LONP2: variants seen among roughly 807,000 people sequenced by gnomAD.
The protein encoded by LONP2 is lon protease homolog 2, peroxisomal.
A neutral mutation model predicts 85.6 loss-of-function variants in LONP2; 60 were observed. The ratio of observed to expected loss-of-function variants is 0.70; its 90% CI spans 0.57 to 0.87. LONP2 has a LOEUF of 0.87. Among genes scored for constraint, LONP2 ranks in the 40% least tolerant of loss-of-function variants. The pLI, the probability that LONP2 is intolerant of heterozygous loss-of-function variation, is 0.00. For synonymous variants in LONP2, 395 were observed against 389.7 expected (o/e 1.01, Z -0.16); for missense variants, 860 against 1,063.5 (o/e 0.81, Z 2.66).
rs1435752850 is a variant in LONP2, at chr16:48,256,711, T to C, written c.570T>C (p.Ile190=). 6.2e-7 allele frequency: 1 copy of C among 1,614,002 alleles called. No homozygotes were observed. Among genetic ancestry groups the C allele is most frequent in the South Asian group, 1.1e-5 (1 of 91,084 alleles). ...CTTTACCAGACATCTTGACATCAAT[T>C]ATCCGAACAAGCAACAAAGAGAAAC... ...REALPDILTS[I]IRTSNKEKLQ... The change falls in exon 3 of 15, where the codon ATT becomes ATC. Residue 190 remains isoleucine, a synonymous_variant. Coordinates refer to ENST00000285737, the MANE Select transcript of LONP2 (RefSeq NM_031490.5).
Position 48,348,179 on chromosome 16 carries a change from A to G in LONP2, c.2226A>G (p.Pro742=), listed in dbSNP as rs1597004865. 1.2e-6 allele frequency: 2 copies of G among 1,613,396 alleles called. No individual in the cohort carries two copies. The highest frequency in any genetic ancestry group is 2.2e-5 in the East Asian group (1 of 44,846). ...FPAGAVTKDG[P]SAGVTIVTCL... is the part of the protein sequence containing the mutation. ...CTGGAGCTGTCACAAAAGATGGACC[A>G]TCTGCTGGAGTTACCATAGTAACCT... The change falls in exon 14 of 15, where the codon CCA becomes CCG. Residue 742 remains proline, a synonymous_variant. Transcript: ENST00000285737.
rs1567361737 is a variant in LONP2 at position 48,357,287 on chromosome 16, A to ATGCTTGATAAGGAATTTTGTTTGGATGG, written c.*5489_*5516dup. 6.6e-6 allele frequency: 1 copy of ATGCTTGATAAGGAATTTTGTTTGGATGG among 152,218 alleles called. No individual in the cohort carries two copies. The highest frequency in any genetic ancestry group is 1.5e-5 in the Non-Finnish European group (1 of 68,040). 9.4% of individuals were successfully genotyped at this position (152,218 alleles called of 1,614,324 possible). A position where few individuals can be genotyped will look rare whatever the true frequency, so the allele number is the denominator to read the frequency against. ...ACTGTTTGCCACCAAATCTTAGTAG[A>ATGCTTGATAAGGAATTTTGTTTGGATGG]TGCTTGATAAGGAATTTTGTTTGGA... is the stretch of plus-strand genomic sequence containing the variant. On this transcript the variant is annotated 3_prime_UTR_variant, in exon 15 of 15. Transcript: ENST00000285737.
intron 12 of LONP2, among the ~76,000 whole-genome samples, chr16:48,338,894 C>A (rs1416678713): frequency 2.0e-5 from 3 of 152,012 alleles, no homozygotes; most frequent in African/African-American, 7.2e-5. Flanking sequence ...GGTGACAGAA[C>A]AAGACCCTGT....
At chr16:48,333,256 GTA>G (rs1322151760) in intron 11 of LONP2, among the ~76,000 whole-genome samples, 1 of 152,154 alleles carries the variant, frequency 6.6e-6, no homozygotes, top group Non-Finnish European at 1.5e-5. Context: ...CCTGCTCCTT[GTA>G]TGTCTAGGTC....
chr16:48,277,581 A>T (rs1362420718), intron 8 of LONP2, 102 bp downstream of exon 8: 1 of 1,173,834 alleles, frequency 8.5e-7, no homozygotes, highest in Non-Finnish European at 1.2e-6. Flanking sequence ...AGCTTTAGTT[A>T]TGGGAAAAAC....
At chr16:48,303,383 A>T (rs1392931823) in intron 11 of LONP2, 78 bp downstream of exon 11, 2 of 1,568,026 alleles carry the variant, frequency 1.3e-6, no homozygotes, top group Non-Finnish European at 1.8e-6. Flanking sequence ...ATGGAGGGGA[A>T]GGTGTTGGGT....
At chr16:48,275,419 C>T (rs1363489713) in intron 7 of LONP2, among the ~76,000 whole-genome samples, 1 of 152,032 alleles carries the variant, frequency 6.6e-6, no homozygotes, top group Non-Finnish European at 1.5e-5. Context: ...TGGTAAGACC[C>T]CGTCTCTGTC....
chr16:48,250,285 A>T (rs1035764169), intron 1 of LONP2, among the ~76,000 whole-genome samples: 4 of 151,308 alleles, frequency 2.6e-5, no homozygotes, highest in African/African-American at 9.7e-5. Context: ...GATCGAGATC[A>T]TCCTGGCCAA....
At chr16:48,321,252 C>G (rs1038836407) in intron 11 of LONP2, among the ~76,000 whole-genome samples, 1 of 152,084 alleles carries the variant, frequency 6.6e-6, no homozygotes, top group Non-Finnish European at 1.5e-5. Flanking sequence ...AGTATTAAAG[C>G]AATACTTAAT....
downstream of LONP2, chr16:48,362,228 T>C: frequency 6.2e-7 from 1 of 1,614,212 alleles, no homozygotes; most frequent in Non-Finnish European, 8.5e-7. This position sits in a 1 kb window ranked among gnomAD's most constrained non-coding sequence, Gnocchi z 4.2. Context: ...ATGTGAGCTT[T>C]GGGCGACAGT....
intron 14 of LONP2, among the ~76,000 whole-genome samples, chr16:48,348,706 CTTGTCTCAAACTCCAGGT>C (rs1354122527): frequency 3.3e-5 from 5 of 152,038 alleles, no homozygotes; most frequent in Non-Finnish European, 5.9e-5. Context: ...GTTGTCCAGG[CTTGTCTCAAACTCCAGGT>C]CTCATGCAGT....
intron 8 of LONP2, among the ~76,000 whole-genome samples, chr16:48,278,275 A>C (rs868214864): frequency 2.0e-5 from 3 of 151,970 alleles, no homozygotes; most frequent in Admixed American, 6.6e-5. Context: ...TGTTCTATCC[A>C]TTTTATCTTC....
chr16:48,295,998 T>G lies in LONP2; in HGVS notation c.1384-17T>G, dbSNP rs1198328218. ...GGCACTACTAAAGTTTTTAAAATGT[T>G]TTTTGTTCTCCCCTAGGTGTTGGAT... is the stretch of plus-strand genomic sequence containing the variant. On this transcript the variant is annotated splice_polypyrimidine_tract_variant and intron_variant, in intron 8 of 14. Coordinates refer to ENST00000285737, the MANE Select transcript of LONP2 (RefSeq NM_031490.5). 6.2e-7 allele frequency: 1 copy of G among 1,605,814 alleles called. No individual in the cohort carries two copies. Among genetic ancestry groups the G allele is most frequent in the African/African-American group, 1.4e-5 (1 of 70,612 alleles).
At chr16:48,321,252 C>T (rs1038836407) in intron 11 of LONP2, among the ~76,000 whole-genome samples, 1 of 152,084 alleles carries the variant, frequency 6.6e-6, no homozygotes, top group Non-Finnish European at 1.5e-5. Flanking sequence ...AGTATTAAAG[C>T]AATACTTAAT....
chr16:48,251,160 C>T (rs57045758), intron 1 of LONP2, among the ~76,000 whole-genome samples: 1,865 of 152,284 alleles, frequency 0.012, 38 homozygotes, highest in African/African-American at 0.042. Flanking sequence ...TACTGTATTA[C>T]ATGATTTATT....
At position 48,356,650 on chromosome 16, in the gene LONP2, C is replaced by A; in HGVS notation, c.*4848C>A. On this transcript the variant is annotated 3_prime_UTR_variant, in exon 15 of 15. Transcript: ENST00000285737. ...CACAATGAAAACTGCACTTAAAAAA[C>A]AAAAATGCTGAAAGAGGAAGGAAAT... The A allele has an allele frequency of 2.8e-6, 1 of 351,662 alleles. No homozygotes were observed. The highest frequency in any genetic ancestry group is 5.7e-6 in the Non-Finnish European group (1 of 174,844). The allele number at this position is 351,662 out of a possible 1,614,324, so 21.8% of individuals were successfully genotyped here.
At chr16:48,298,445 A>C (rs1241486212) in intron 9 of LONP2, among the ~76,000 whole-genome samples, 1 of 152,100 alleles carries the variant, frequency 6.6e-6, no homozygotes, top group Non-Finnish European at 1.5e-5. Context: ...ACATATGCAC[A>C]CATATATAAA....
In LONP2 at chr16:48,352,834, T is replaced by TCC. The variant is rs1035528796; in HGVS notation, c.*1033_*1034dup. On this transcript the variant is annotated 3_prime_UTR_variant, in exon 15 of 15. Transcript: ENST00000285737. ...TGCAGCTCCCAGAGGGAGGCAGCCA[T>TCC]CCATCTGGGATGGTCCTAAGCATGG... The TCC allele has an allele frequency of 6.6e-6, 1 of 152,164 alleles. No homozygotes were observed. Among genetic ancestry groups the TCC allele is most frequent in the African/African-American group, 2.4e-5 (1 of 41,436 alleles). 9.4% of individuals were successfully genotyped at this position (152,164 alleles called of 1,614,324 possible).
chr16:48,348,378 C>A, intron 14 of LONP2, 88 bp downstream of exon 14: 1 of 787,208 alleles, frequency 1.3e-6, no homozygotes, highest in Non-Finnish European at 1.7e-6. Flanking sequence ...TGCCTTCTTT[C>A]TATGAAAACC....
Sources: gnomAD v4.1 joint callset for allele counts (sites outside exome capture counted in the v4.1 genomes callset) on GRCh38, gnomAD v4.1.1 for gene constraint, Gnocchi (gnomAD v3.1) non-coding constraint, MANE v1.5 for transcripts, NCBI Gene and HGNC (gene_info 2026-07-23, HGNC 2026-07-21) for gene names.